Variants in CCDC102B observed in about 807,000 individuals in gnomAD.
The protein encoded by CCDC102B is coiled-coil domain containing 102B.
In CCDC102B, 75 loss-of-function variants were observed where a neutral mutation model predicts 57.4. The observed-to-expected ratio is 1.31, with a 90% CI of 1.08 to 1.58. The LOEUF (loss-of-function observed/expected upper bound fraction) is 1.58, where lower values mean the gene tolerates loss of function less well. Among genes scored for constraint, CCDC102B ranks in the 40% most tolerant of loss-of-function variants. The pLI is 0.00. For missense variants in CCDC102B, 636 were observed against 582.6 expected (o/e 1.09, Z -0.94); for synonymous variants, 206 against 201.9 (o/e 1.02, Z -0.17).
intron 4 of CCDC102B, among the ~76,000 whole-genome samples, chr18:68,869,555 C>G (rs1018986753): frequency 4.6e-5 from 7 of 152,130 alleles, no homozygotes; most frequent in African/African-American, 1.7e-4. Context: ...GTGGAAGCTC[C>G]AAGACTGGAT....
Position 68,717,124 on chromosome 18 carries a change from G to A in CCDC102B, c.-67+530G>A, listed in dbSNP as rs309244. Among the ~76,000 whole-genome samples the A allele has an allele frequency of 7.0e-3, 1,058 of 152,068 alleles. 10 individuals are homozygous for A. Among genetic ancestry groups the A allele is most frequent in the African/African-American group, 0.023 (972 of 41,452 alleles). On this transcript the variant is annotated intron_variant, in intron 2 of 3. Transcript: ENST00000578970. ...CCAGATGTGGTGGCACACACCTGTGGTCCCAGCTACTCCAGAGGCTGAGGT... is the reference window on the plus strand; with the variant it reads ...CCAGATGTGGTGGCACACACCTGTGATCCCAGCTACTCCAGAGGCTGAGGT...
intron 1 of CCDC102B, among the ~76,000 whole-genome samples, chr18:68,804,516 C>T (rs1056085460): frequency 3.9e-5 from 6 of 152,090 alleles, no homozygotes; most frequent in Non-Finnish European, 5.9e-5. Flanking sequence ...AGTGTTGGAG[C>T]GCTTGCAGTC....
In CCDC102B at chr18:68,731,895, T is replaced by A. The variant is rs139777630; in HGVS notation, c.-67+15301T>A. On this transcript the variant is annotated intron_variant, in intron 2 of 3. Coordinates refer to the CCDC102B transcript ENST00000578970. ...GAATTAGTGCAAGCAAAGCTCTTTT[T>A]GGAGGAAATAAATCTTTATTTATTT... Among the ~76,000 whole-genome samples, 361 of 124,196 alleles carry A rather than the reference T, an allele frequency of 2.9e-3. 1 individual carries two copies. The highest frequency in any genetic ancestry group is 9.5e-3 in the African/African-American group (351 of 36,776). 81.5% of individuals were successfully genotyped at this position (124,196 alleles called of 152,430 possible).
chr18:68,809,486 A>G (rs541064087), intron 1 of CCDC102B, among the ~76,000 whole-genome samples: 13 of 152,308 alleles, frequency 8.5e-5, no homozygotes, highest in African/African-American at 3.1e-4. Context: ...GTTCAGAGCA[A>G]TTTGTTTTTA....
At chr18:69,038,403 A>G (rs770777521) in intron 7 of CCDC102B, among the ~76,000 whole-genome samples, 9 of 152,016 alleles carry the variant, frequency 5.9e-5, no homozygotes, top group African/African-American at 1.2e-4. Context: ...ATAATGAATA[A>G]AACATGAATA....
chr18:68,964,366 C>G (rs1010866115), intron 6 of CCDC102B, among the ~76,000 whole-genome samples: 1 of 149,692 alleles, frequency 6.7e-6, no homozygotes, highest in African/African-American at 2.4e-5. Context: ...TTGTCTTCAT[C>G]TTTCTGAGAT....
intron 2 of CCDC102B, among the ~76,000 whole-genome samples, chr18:68,724,373 C>T (rs1017445536): frequency 4.6e-5 from 7 of 152,186 alleles, no homozygotes; most frequent in African/African-American, 1.7e-4. Context: ...TGTACTTCTC[C>T]CCAGAAAATG....
At chr18:69,011,169 G>T (rs766199097) in intron 7 of CCDC102B, 65 bp downstream of exon 7, 1 of 1,362,228 alleles carries the variant, frequency 7.3e-7, no homozygotes, top group Non-Finnish European at 1.0e-6. Flanking sequence ...CATATCTAAA[G>T]ATTGTCTCCC....
chr18:68,980,819 G>A (rs1370052130), intron 6 of CCDC102B, among the ~76,000 whole-genome samples: 1 of 152,050 alleles, frequency 6.6e-6, no homozygotes, highest in Non-Finnish European at 1.5e-5. Context: ...TTGACAATGA[G>A]TCCAGTTATT....
Position 68,990,321 on chromosome 18 carries a change from T to G in CCDC102B, c.1264-20613T>G, listed in dbSNP as rs185230756. 1.1e-4 allele frequency among the ~76,000 whole-genome samples: 17 copies of G among 152,282 alleles called. No homozygotes were observed. In the East Asian group the frequency reaches 3.3e-3, roughly 30 times the overall value. On this transcript the variant is annotated intron_variant, in intron 6 of 7. Transcript: ENST00000360242. ...CCTTTCCAGCATTTCCTTGTGAATC[T>G]TCCCATTATTCATCTTGGAGATGGG...
intron 2 of CCDC102B, among the ~76,000 whole-genome samples, chr18:68,791,624 A>T (rs1174686181): frequency 2.4e-5 from 2 of 84,240 alleles, no homozygotes; most frequent in East Asian, 5.6e-4. Context: ...GAGTGTGTGT[A>T]TGTGTGTGTG....
chr18:68,756,194 CAAA>C (rs1316556583), intron 2 of CCDC102B, among the ~76,000 whole-genome samples: 3 of 151,430 alleles, frequency 2.0e-5, no homozygotes. Context: ...TATGAGAAAT[CAAA>C]AATGAAGATG....
intron 1 of CCDC102B, 148 bp from the exon 2 acceptor site, chr18:68,836,601 C>T (rs1348122254): frequency 7.9e-6 from 5 of 636,424 alleles, no homozygotes; most frequent in Non-Finnish European, 1.2e-5. Flanking sequence ...GCACTCCAGC[C>T]TGGTGACAGA....
chr18:68,741,094 C>T (rs1251567703), intron 2 of CCDC102B, among the ~76,000 whole-genome samples: 1 of 152,228 alleles, frequency 6.6e-6, no homozygotes. Flanking sequence ...TTGTGTCATG[C>T]ATGCACTGGA....
At position 69,011,119 on chromosome 18, in the gene CCDC102B, G is replaced by A; in HGVS notation, c.1434+15G>A. ...AAGAAGATGAGGTACTACTTTATGAGTGAACACGTGCTGGACAGCTTCTAA... is the reference window on the plus strand; with the variant it reads ...AAGAAGATGAGGTACTACTTTATGAATGAACACGTGCTGGACAGCTTCTAA... On this transcript the variant is annotated intron_variant, in intron 7 of 7. Transcript: ENST00000360242. The A allele has an allele frequency of 6.2e-7, 1 of 1,608,206 alleles. No homozygotes were observed. The highest frequency in any genetic ancestry group is 8.5e-7 in the Non-Finnish European group (1 of 1,176,830).
rs1471996095 is a variant in CCDC102B at position 68,950,132 on chromosome 18, A to C, written c.1263+52704A>C. On this transcript the variant is annotated intron_variant, in intron 6 of 7. Coordinates refer to ENST00000360242, the MANE Select transcript of CCDC102B (RefSeq NM_024781.3). ...CAATCCTTAGTTTCAGGATTCAGCA[A>C]GAGTTGAACTTGCTTAGGACCCTTG... Among the ~76,000 whole-genome samples the C allele has an allele frequency of 2.6e-5, 4 of 152,152 alleles. 1 individual carries two copies. The highest frequency in any genetic ancestry group is 4.4e-5 in the Non-Finnish European group (3 of 68,016).
intron 7 of CCDC102B, among the ~76,000 whole-genome samples, chr18:69,028,821 A>T (rs2052061466): frequency 6.6e-6 from 1 of 152,102 alleles, no homozygotes; most frequent in Admixed American, 6.6e-5. Flanking sequence ...TTCTAATTGT[A>T]GTCCTCAGAT....
At chr18:68,820,435 C>A (rs1166421813) in intron 1 of CCDC102B, among the ~76,000 whole-genome samples, 2 of 152,062 alleles carry the variant, frequency 1.3e-5, no homozygotes, top group African/African-American at 4.8e-5. Context: ...GTTTTAAACA[C>A]CAAATTTCTC....
chr18:68,956,632 C>G (rs2049908113), intron 6 of CCDC102B, among the ~76,000 whole-genome samples: 1 of 119,818 alleles, frequency 8.3e-6, no homozygotes. Context: ...ATATATATCG[C>G]ACCATACATA....
Sources: gnomAD v4.1 joint callset for allele counts (sites outside exome capture counted in the v4.1 genomes callset) on GRCh38, gnomAD v4.1.1 for gene constraint, MANE v1.5 for transcripts, NCBI Gene and HGNC (gene_info 2026-07-23, HGNC 2026-07-21) for gene names.